The following PDE7B variants were observed in gnomAD, a reference collection of about 807,000 sequenced individuals.
PDE7B encodes the protein phosphodiesterase 7B.
A neutral mutation model predicts 56.2 loss-of-function variants in PDE7B; 29 were observed. That is an observed-to-expected ratio of 0.52 (90% CI 0.38 to 0.70). The LOEUF (loss-of-function observed/expected upper bound fraction) is 0.70. PDE7B is among the 30% of genes least tolerant of loss of function. The pLI is 0.00. For missense variants in PDE7B, 490 were observed against 565.0 expected (o/e 0.87, Z 1.35); for synonymous variants, 197 against 196.9 (o/e 1.00, Z 0.00).
chr6:135,886,912 T>G (rs545039017), intron 1 of PDE7B, among the ~76,000 whole-genome samples: 1 of 152,312 alleles, frequency 6.6e-6, no homozygotes, highest in East Asian at 1.9e-4. Flanking sequence ...TGAATGGTAG[T>G]TCTACTTTGA....
At chr6:136,173,540 G>A (rs912238045) in intron 8 of PDE7B, among the ~76,000 whole-genome samples, 1 of 152,188 alleles carries the variant, frequency 6.6e-6, no homozygotes, top group African/African-American at 2.4e-5. Flanking sequence ...AGGAGTGAAT[G>A]ATGCTGGAAA....
intron 1 of PDE7B, among the ~76,000 whole-genome samples, chr6:135,897,338 CAACT>C (rs1775920193): frequency 6.6e-6 from 1 of 151,076 alleles, no homozygotes; most frequent in Non-Finnish European, 1.5e-5. Context: ...TTAATCTTCT[CAACT>C]AACTTTCACA....
At chr6:136,003,543 A>T (rs1399300217) in intron 2 of PDE7B, among the ~76,000 whole-genome samples, 4 of 152,242 alleles carry the variant, frequency 2.6e-5, no homozygotes, top group African/African-American at 9.6e-5. Context: ...CCACAGAAGT[A>T]CAAACTACCA....
At chr6:136,051,554 A>G (rs1041827112) in intron 2 of PDE7B, among the ~76,000 whole-genome samples, 8 of 152,210 alleles carry the variant, frequency 5.3e-5, no homozygotes, top group African/African-American at 1.7e-4. Context: ...AAGACATTAC[A>G]CAGAGCTTCT....
At chr6:136,090,176 T>A (rs139815455) in intron 2 of PDE7B, among the ~76,000 whole-genome samples, 113 of 152,240 alleles carry the variant, frequency 7.4e-4, no homozygotes, top group African/African-American at 2.4e-3. Context: ...TCTTCTTCCA[T>A]TGGGTGGGGT....
Position 136,181,317 on chromosome 6 carries a change from AG to A in PDE7B, c.1041del (p.Arg347SerfsTer32). 1 of 1,594,166 alleles carries A rather than the reference AG, an allele frequency of 6.3e-7. No individual in the cohort carries two copies. Among genetic ancestry groups the A allele is most frequent in the Non-Finnish European group, 8.6e-7 (1 of 1,161,726 alleles). On this transcript the variant is annotated frameshift_variant, in exon 11 of 13. Coordinates refer to ENST00000308191, the MANE Select transcript of PDE7B (RefSeq NM_018945.4). LOFTEE classifies it high-confidence loss of function. ...WSERVCEEFY[R>X]QGELEQKFEL... The stretch of plus-strand genomic sequence containing the variant: ...TGAAAGGGTCTGTGAAGAATTCTAC[AG>A]GCAAGGTTAGTAGTGATCCAACAGC...
intron 1 of PDE7B, among the ~76,000 whole-genome samples, chr6:135,928,588 CATACATACAT>C (rs1327159531): frequency 1.4e-5 from 2 of 146,484 alleles, no homozygotes; most frequent in African/African-American, 5.0e-5. Flanking sequence ...CACACATACA[CATACATACAT>C]ATACACCATG....
chr6:136,149,041 CT>C, intron 4 of PDE7B, 45 bp from the exon 5 acceptor site: 1 of 1,326,830 alleles, frequency 7.5e-7, no homozygotes, highest in Middle Eastern at 1.8e-4. Context: ...ATGTTTGAGT[CT>C]CCAGTGTGAT....
rs1254332197 is a variant in PDE7B, at chr6:135,980,737, C to G, written c.82+33213C>G. ...TGCAAATCAAAACCACAATGAGATA[C>G]CATCTCACACCAGTTAGAATGGCAA... On this transcript the variant is annotated intron_variant, in intron 2 of 12. Transcript: ENST00000308191. Among the ~76,000 whole-genome samples the G allele has an allele frequency of 6.2e-4, 91 of 146,240 alleles. 1 individual carries two copies. Among genetic ancestry groups the G allele is most frequent in the African/African-American group, 2.2e-3 (86 of 39,800 alleles).
intron 1 of PDE7B, among the ~76,000 whole-genome samples, chr6:135,891,642 C>G (rs1448521073): frequency 3.3e-5 from 5 of 152,320 alleles, no homozygotes; most frequent in Non-Finnish European, 2.9e-5. Flanking sequence ...TCAGGCTCCA[C>G]TGCCAGCCAT....
chr6:136,182,054 C>G (rs1216872571), intron 11 of PDE7B, among the ~76,000 whole-genome samples: 1 of 152,124 alleles, frequency 6.6e-6, no homozygotes, highest in East Asian at 1.9e-4. Flanking sequence ...ATGCTAGTGA[C>G]AGAATCAGGT....
chr6:136,147,174 C>A (rs1250119217), intron 3 of PDE7B, among the ~76,000 whole-genome samples, 177 bp from the exon 4 acceptor site: 5 of 144,330 alleles, frequency 3.5e-5, no homozygotes, highest in South Asian at 4.5e-4. Context: ...AAAAAAAAAA[C>A]AAATATCAGG....
At chr6:136,100,056 T>C (rs904632282) in intron 2 of PDE7B, among the ~76,000 whole-genome samples, 1 of 152,228 alleles carries the variant, frequency 6.6e-6, no homozygotes, top group Non-Finnish European at 1.5e-5. Flanking sequence ...CTTGTTTTTG[T>C]CAGGTTTGTC....
intron 2 of PDE7B, chr6:136,094,958 A>G (rs1777449101): frequency 6.6e-6 from 1 of 152,202 alleles, no homozygotes; most frequent in African/African-American, 2.4e-5. Flanking sequence ...TTTTACACAC[A>G]CACGCTCCAC....
chr6:136,074,125 G>T (rs1777092279), intron 2 of PDE7B, among the ~76,000 whole-genome samples: 1 of 150,920 alleles, frequency 6.6e-6, no homozygotes, highest in Non-Finnish European at 1.5e-5. Flanking sequence ...TTGGGTAAAA[G>T]AATTACCTGA....
chr6:136,054,791 A>G (rs999486924), intron 2 of PDE7B, among the ~76,000 whole-genome samples: 8 of 152,122 alleles, frequency 5.3e-5, no homozygotes, highest in Admixed American at 1.3e-4. Context: ...ATGGCTAGGG[A>G]GGCCTCACAA....
intron 1 of PDE7B, among the ~76,000 whole-genome samples, chr6:135,895,787 G>A (rs1435694426): frequency 6.6e-6 from 1 of 152,096 alleles, no homozygotes; most frequent in Non-Finnish European, 1.5e-5. Flanking sequence ...AGTGTTCTTG[G>A]AGGGGCAAAG....
chr6:136,142,495 G>A (rs1313932224), intron 3 of PDE7B, among the ~76,000 whole-genome samples: 2 of 152,046 alleles, frequency 1.3e-5, no homozygotes, highest in African/African-American at 2.4e-5. Context: ...GCTGAGTTCA[G>A]TTCCTGGATA....
chr6:135,944,238 T>TC (rs528221553), intron 1 of PDE7B, among the ~76,000 whole-genome samples: 94 of 152,106 alleles, frequency 6.2e-4, no homozygotes, highest in African/African-American at 2.2e-3. Flanking sequence ...CACAAGACGT[T>TC]CCCCCAGGAC....
Sources: gnomAD v4.1 joint callset for allele counts (sites outside exome capture counted in the v4.1 genomes callset) on GRCh38, gnomAD v4.1.1 for gene constraint, MANE v1.5 for transcripts, NCBI Gene and HGNC (gene_info 2026-07-23, HGNC 2026-07-21) for gene names.